PRDM1: variants seen among roughly 807,000 people sequenced by gnomAD.
PRDM1 encodes PR domain zinc finger protein 1.
In PRDM1, 13 loss-of-function variants were observed where a neutral mutation model predicts 62.8. The ratio of observed to expected loss-of-function variants is 0.21; its 90% CI spans 0.13 to 0.33. The LOEUF is 0.33. PRDM1 is among the 10% of genes least tolerant of loss of function. The probability of loss-of-function intolerance (pLI) is 1.00; values close to 1 mark genes in which losing one functional copy is unlikely to be tolerated. For missense variants in PRDM1, 895 were observed against 1,058.8 expected, an observed-to-expected ratio of 0.85 and a Z score of 2.15; for synonymous variants, 396 against 417.6, an observed-to-expected ratio of 0.95 and a Z score of 0.63.
intron 1 of PRDM1, among the ~76,000 whole-genome samples, chr6:106,067,732 A>C (rs1773455147): frequency 6.6e-6 from 1 of 152,184 alleles, no homozygotes; most frequent in Non-Finnish European, 1.5e-5. Flanking sequence ...AGGAATGGGG[A>C]GTTATTGCTT....
chr6:106,000,947 A>G (rs1384324997), intron 1 of PRDM1, among the ~76,000 whole-genome samples: 1 of 152,220 alleles, frequency 6.6e-6, no homozygotes, highest in East Asian at 1.9e-4. Flanking sequence ...ACTTTGATAA[A>G]TATCACTAAA....
intron 1 of PRDM1, among the ~76,000 whole-genome samples, chr6:106,005,723 G>C (rs552065603): frequency 6.6e-6 from 1 of 152,220 alleles, no homozygotes; most frequent in East Asian, 1.9e-4. Flanking sequence ...TTTTTGACAA[G>C]GGATGGCTGA....
At chr6:106,021,017 T>C (rs965151408) in intron 1 of PRDM1, among the ~76,000 whole-genome samples, 1 of 152,206 alleles carries the variant, frequency 6.6e-6, no homozygotes, top group African/African-American at 2.4e-5. Flanking sequence ...GCTCTTATTA[T>C]AAAAGACTAG....
chr6:106,106,030 G>C lies in PRDM1; in HGVS notation c.1773+97G>C. Reference sequence around the variant, plus strand: ...TGGGGTATCGATTGCATTTGCAGTAGTATGAGCCCCCGGTTGGGGATAGTG... The same window carrying C: ...TGGGGTATCGATTGCATTTGCAGTACTATGAGCCCCCGGTTGGGGATAGTG... On this transcript the variant is annotated intron_variant, in intron 5 of 6. Transcript: ENST00000369096. The surrounding 1 kb of genome is among the most constrained non-coding windows in gnomAD (Gnocchi z 4.4). 1 of 1,491,160 alleles carries C rather than the reference G, an allele frequency of 6.7e-7. No individual in the cohort carries two copies. The highest frequency in any genetic ancestry group is 1.4e-5 in the African/African-American group (1 of 71,182). The allele number at this position is 1,491,160 out of a possible 1,614,324, so 92.4% of individuals were successfully genotyped here. A position where few individuals can be genotyped will look rare whatever the true frequency, so the allele number is the denominator to read the frequency against.
intron 1 of PRDM1, among the ~76,000 whole-genome samples, chr6:106,050,347 G>A (rs1346112741): frequency 6.6e-6 from 1 of 152,120 alleles, no homozygotes; most frequent in African/African-American, 2.4e-5. Flanking sequence ...TTATCTCTAA[G>A]GTTCTTCATG....
intron 1 of PRDM1, among the ~76,000 whole-genome samples, chr6:106,055,280 A>AT (rs1334979443): frequency 2.6e-5 from 4 of 152,092 alleles, no homozygotes; most frequent in Non-Finnish European, 2.9e-5. Flanking sequence ...TTTTACGGGA[A>AT]TTTTTTTCTT....
intron 1 of PRDM1, among the ~76,000 whole-genome samples, chr6:106,024,582 T>C (rs6941301): frequency 0.64 from 98,017 of 152,100 alleles, 32,152 homozygotes; most frequent in East Asian, 0.83. Context: ...TAAATTCAAA[T>C]GATTATTTTC....
intron 1 of PRDM1, among the ~76,000 whole-genome samples, chr6:106,020,152 C>T (rs1404627374): frequency 7.0e-6 from 1 of 142,896 alleles, no homozygotes; most frequent in Non-Finnish European, 1.5e-5. Context: ...CACTTGAACC[C>T]AGGAGGGGAA....
intron 2 of PRDM1, among the ~76,000 whole-genome samples, chr6:106,092,920 T>C (rs1562166959): frequency 6.6e-6 from 1 of 152,216 alleles, no homozygotes; most frequent in African/African-American, 2.4e-5. Flanking sequence ...TCTATAGGTG[T>C]GAGTTTATAT....
intron 1 of PRDM1, among the ~76,000 whole-genome samples, chr6:106,015,040 CTGAGCAGTG>C (rs1257515331): frequency 2.0e-5 from 3 of 152,182 alleles, no homozygotes; most frequent in Admixed American, 2.0e-4. Context: ...CCCTTGTAGT[CTGAGCAGTG>C]GTCATCTGGA....
chr6:106,049,025 A>G (rs1439199445), intron 1 of PRDM1, among the ~76,000 whole-genome samples: 1 of 152,108 alleles, frequency 6.6e-6, no homozygotes, highest in Non-Finnish European at 1.5e-5. Context: ...CATGTTGTTC[A>G]GGCTGGTCTC....
chr6:106,088,305 G>A lies in PRDM1; in HGVS notation c.147G>A (p.Trp49Ter). Residue 49 changes from tryptophan (W) to a stop codon, truncating the protein, a stop_gained, in exon 2 of 7, where the codon TGG becomes TGA. Transcript: ENST00000369096. LOFTEE classifies it high-confidence loss of function. The part of the protein sequence containing the change: ...MDMEDADMTL[W>*]TEAEFEEKCT... Reference sequence around the variant, plus strand: ...TGGAGGATGCGGATATGACTCTGTGGACAGAGGCTGAGTTTGAAGAGAAGT... The same window carrying A: ...TGGAGGATGCGGATATGACTCTGTGAACAGAGGCTGAGTTTGAAGAGAAGT... 6.2e-7 allele frequency: 1 copy of A among 1,614,170 alleles called. No homozygotes were observed. The highest frequency in any genetic ancestry group is 8.5e-7 in the Non-Finnish European group (1 of 1,180,042).
At chr6:106,093,284 A>G (rs935435611) in intron 2 of PRDM1, among the ~76,000 whole-genome samples, 6 of 152,214 alleles carry the variant, frequency 3.9e-5, no homozygotes, top group African/African-American at 1.4e-4. Flanking sequence ...CTAGAGGCCC[A>G]TTCTGTAAAA....
At chr6:106,094,847 G>A (rs374914906) in intron 2 of PRDM1, among the ~76,000 whole-genome samples, 12 of 152,174 alleles carry the variant, frequency 7.9e-5, no homozygotes, top group African/African-American at 2.9e-4. Context: ...AGGCTGCAAT[G>A]AGCTAAGATC....
intron 1 of PRDM1, among the ~76,000 whole-genome samples, chr6:106,012,644 AG>A (rs1772572567): frequency 6.6e-6 from 1 of 152,034 alleles, no homozygotes; most frequent in Admixed American, 6.6e-5. Context: ...CTACACACTC[AG>A]CCCACTATTA....
rs372836043 is a variant in PRDM1, at chr6:106,104,907, C to A, written c.747C>A (p.Ser249Arg). The A allele has an allele frequency of 9.3e-6, 15 of 1,613,968 alleles. No individual in the cohort carries two copies. Among genetic ancestry groups the A allele is most frequent in the Non-Finnish European group, 1.3e-5 (15 of 1,179,964 alleles). The change falls in exon 5 of 7, where the codon AGC becomes AGA. Residue 249 changes from serine (S) to arginine (R), a missense_variant. By Grantham distance (110) the Ser-to-Arg change is moderately radical (BLOSUM62 -1). Transcript: ENST00000369096. ...CPKNVPKREYSVKEILKLDSN... is the reference protein window; with the variant it reads ...CPKNVPKREYRVKEILKLDSN... ...AGAATGTCCCAAAGAGAGAGTACAG[C>A]GTGAAAGAAATCCTAAAATTGGACT...
chr6:106,028,088 T>A (rs1457610262), intron 1 of PRDM1, among the ~76,000 whole-genome samples: 2 of 152,246 alleles, frequency 1.3e-5, no homozygotes, highest in Non-Finnish European at 2.9e-5. Context: ...AATATTTTTT[T>A]CTTTCATGAT....
rs1219014497 is a variant in PRDM1, at chr6:106,105,204, G to C, written c.1044G>C (p.Lys348Asn). Reference protein sequence around the residue: ...SARSSPDQSLKSSSPHSSPGN... With the variant: ...SARSSPDQSLNSSSPHSSPGN... Reference sequence around the variant, plus strand: ...GAAGCAGCCCCGACCAAAGCCTCAAGAGCTCCAGCCCTCACAGCAGCCCTG... The same window carrying C: ...GAAGCAGCCCCGACCAAAGCCTCAACAGCTCCAGCCCTCACAGCAGCCCTG... The change falls in exon 5 of 7, where the codon AAG becomes AAC. Residue 348 changes from lysine to asparagine, a missense_variant. Around this residue, in one of 4 missense-constraint regions of PRDM1, gnomAD observed 444 missense variants for 422.7 expected, o/e 1.05. Coordinates refer to ENST00000369096, the MANE Select transcript of PRDM1 (RefSeq NM_001198.4). 4 of 1,613,526 alleles carry C rather than the reference G, an allele frequency of 2.5e-6. No individual in the cohort carries two copies. The African/African-American group carries it at 4.0e-5, about 16-fold the overall frequency.
chr6:106,049,841 G>A (rs1055942909), intron 1 of PRDM1, among the ~76,000 whole-genome samples: 3 of 152,124 alleles, frequency 2.0e-5, no homozygotes, highest in African/African-American at 4.8e-5. Context: ...CTTTAAATTA[G>A]ATTGGTTCCT....
Sources: allele counts gnomAD v4.1 joint callset (sites outside exome capture counted in the v4.1 genomes callset), GRCh38; gene constraint gnomAD v4.1.1; regional missense constraint gnomAD v4.1.1; non-coding constraint Gnocchi (gnomAD v3.1); transcripts MANE v1.5; gene names NCBI Gene and HGNC (gene_info 2026-07-23, HGNC 2026-07-21).